MAST2: variants seen among roughly 807,000 people sequenced by gnomAD.
The protein encoded by MAST2 is microtubule-associated serine/threonine-protein kinase 2.
A neutral mutation model predicts 147.4 loss-of-function variants in MAST2; 70 were observed. The observed-to-expected ratio is 0.47, with a 90% CI of 0.39 to 0.58. MAST2 has a LOEUF of 0.58. MAST2 is among the 20% of genes least tolerant of loss of function. The pLI, the probability that MAST2 is intolerant of heterozygous loss-of-function variation, is 0.00. For missense variants in MAST2, 2,080 were observed against 2,302.3 expected, an observed-to-expected ratio of 0.90 and a Z score of 1.98; for synonymous variants, 869 against 896.8, an observed-to-expected ratio of 0.97 and a Z score of 0.55.
chr1:46,016,787 C>A (rs1282817546), intron 10 of MAST2, among the ~76,000 whole-genome samples: 1 of 152,190 alleles, frequency 6.6e-6, no homozygotes, highest in African/African-American at 2.4e-5. Flanking sequence ...CCCCATCAAG[C>A]TACCAATGAC....
intron 16 of MAST2, among the ~76,000 whole-genome samples, chr1:46,026,802 G>A (rs1646432759): frequency 6.6e-6 from 1 of 152,160 alleles, no homozygotes; most frequent in African/African-American, 2.4e-5. Context: ...GTGGAAGAAA[G>A]TGGCTTTGAC....
intron 4 of MAST2, among the ~76,000 whole-genome samples, chr1:45,886,430 C>T (rs1418904812): frequency 6.6e-6 from 1 of 151,722 alleles, no homozygotes; most frequent in Non-Finnish European, 1.5e-5. Context: ...ATGCCTGCCA[C>T]GATAAGGGCT....
At chr1:45,884,739 G>A (rs982924198) in intron 4 of MAST2, among the ~76,000 whole-genome samples, 2 of 152,066 alleles carry the variant, frequency 1.3e-5, no homozygotes, top group Non-Finnish European at 2.9e-5. Flanking sequence ...TAGAGGAGTC[G>A]AAAAAGTTTT....
chr1:45,907,551 A>G (rs1239653775), intron 4 of MAST2, among the ~76,000 whole-genome samples: 1 of 150,536 alleles, frequency 6.6e-6, no homozygotes, highest in African/African-American at 2.5e-5. Flanking sequence ...TCTGCCTCCC[A>G]AATTCAAGCA....
At chr1:46,029,416 T>C in intron 18 of MAST2, 50 bp from the exon 19 acceptor site, 1 of 1,486,136 alleles carries the variant, frequency 6.7e-7, no homozygotes, top group Non-Finnish European at 9.3e-7. Context: ...TCTGCATCTC[T>C]CCACTCTACC....
intron 9 of MAST2, among the ~76,000 whole-genome samples, 161 bp downstream of exon 9, chr1:46,008,532 A>C (rs904447366): frequency 5.3e-5 from 8 of 152,258 alleles, no homozygotes; most frequent in Admixed American, 2.0e-4. Context: ...CACAGCAACA[A>C]GGGCTTCCAG....
intron 6 of MAST2, among the ~76,000 whole-genome samples, chr1:46,001,202 T>G (rs1222478712): frequency 2.6e-5 from 4 of 152,206 alleles, no homozygotes. Flanking sequence ...CAGGAATTGC[T>G]GAATAGTTCC....
chr1:45,859,060 T>C (rs977510442), intron 3 of MAST2, among the ~76,000 whole-genome samples: 6 of 152,186 alleles, frequency 3.9e-5, no homozygotes, highest in Non-Finnish European at 8.8e-5. Context: ...TCCAGCTTTG[T>C]TCTTTTGGCT....
chr1:46,012,331 C>A (rs928658639), intron 10 of MAST2, among the ~76,000 whole-genome samples: 3 of 152,142 alleles, frequency 2.0e-5, no homozygotes, highest in African/African-American at 7.2e-5. Flanking sequence ...CCCAGATTGA[C>A]TGCTTGTGTG....
At chr1:45,903,126 C>CTTTTTTTTTTTTTT (rs34621764) in intron 4 of MAST2, among the ~76,000 whole-genome samples, 4 of 79,324 alleles carry the variant, frequency 5.0e-5, no homozygotes, top group Non-Finnish European at 8.7e-5. Flanking sequence ...AAATTTTTGT[C>CTTTTTTTTTTTTTT]TTTTTTTTTT....
intron 17 of MAST2, 119 bp downstream of exon 17, chr1:46,027,982 A>T: frequency 8.3e-7 from 1 of 1,209,422 alleles, no homozygotes; most frequent in South Asian, 1.4e-5. Context: ...GCTTGAGGCC[A>T]GCCTGGGCAA....
intron 1 of MAST2, among the ~76,000 whole-genome samples, chr1:45,809,486 T>C (rs1644232208): frequency 1.3e-5 from 2 of 151,956 alleles, no homozygotes; most frequent in South Asian, 2.1e-4. Flanking sequence ...CTACAAAAAA[T>C]ACAAAAATTA....
intron 5 of MAST2, among the ~76,000 whole-genome samples, chr1:45,959,810 C>G (rs578105222): frequency 2.6e-5 from 4 of 152,128 alleles, no homozygotes; most frequent in Non-Finnish European, 5.9e-5. Context: ...GAGGAGTCCA[C>G]TAATATTTTG....
At chr1:45,813,304 T>TG (rs1361222684) in intron 1 of MAST2, among the ~76,000 whole-genome samples, 2 of 152,036 alleles carry the variant, frequency 1.3e-5, no homozygotes, top group African/African-American at 4.8e-5. Flanking sequence ...ACATACAAGA[T>TG]GGGGGTCCCA....
At chr1:45,905,226 G>A (rs1354602729) in intron 4 of MAST2, among the ~76,000 whole-genome samples, 1 of 149,108 alleles carries the variant, frequency 6.7e-6, no homozygotes, top group Non-Finnish European at 1.5e-5. Context: ...ACTCAGGCTG[G>A]AATGCAGTGG....
rs1438945354 is a variant in MAST2, at chr1:45,829,600, G to GGCAT, written c.468+20_468+23dup. The GGCAT allele has an allele frequency of 6.3e-7, 1 of 1,599,860 alleles. No homozygotes were observed. The highest frequency in any genetic ancestry group is 8.5e-7 in the Non-Finnish European group (1 of 1,171,964). ...TGGCCTGGTAAGTGTTCATAAAGGT[G>GGCAT]GCATTTTGCTCTATGAAAAATCCAT... On this transcript the variant is annotated intron_variant, in intron 3 of 28. Transcript: ENST00000361297.
chr1:45,940,950 C>A lies in MAST2; in HGVS notation c.501-18436C>A, dbSNP rs145274754. Among the ~76,000 whole-genome samples the A allele has an allele frequency of 3.3e-5, 5 of 152,272 alleles. No homozygotes were observed. The East Asian group carries it at 9.7e-4, about 29-fold the overall frequency. ...GATTTTATTAGAAAGAGAATTGTTG[C>A]ATATTGTTTTGAAAGAAAAGTCATT... On this transcript the variant is annotated intron_variant, in intron 4 of 28. Coordinates refer to ENST00000361297, the MANE Select transcript of MAST2 (RefSeq NM_015112.3).
rs1263813405 is a variant in MAST2, at chr1:45,910,382, TTAAA to T, written c.500+27991_500+27994del. 7.2e-5 allele frequency among the ~76,000 whole-genome samples: 11 copies of T among 152,186 alleles called. No homozygotes were observed. In the East Asian group the frequency reaches 2.2e-3, roughly 30 times the overall value. The stretch of plus-strand genomic sequence containing the variant: ...TTTCTTTTAAATATTCAAAATTAAT[TTAAA>T]TAAGCTGAATTAAAAATTTTTGTAA... On this transcript the variant is annotated intron_variant, in intron 4 of 28. Transcript: ENST00000361297.
chr1:45,895,626 G>A (rs1410050537), intron 4 of MAST2, among the ~76,000 whole-genome samples: 21 of 152,056 alleles, frequency 1.4e-4, no homozygotes, highest in Non-Finnish European at 3.1e-4. Context: ...GACATTTGGT[G>A]GAAGACTTCC....
Sources: allele counts gnomAD v4.1 joint callset (sites outside exome capture counted in the v4.1 genomes callset), GRCh38; gene constraint gnomAD v4.1.1; transcripts MANE v1.5; gene names NCBI Gene and HGNC (gene_info 2026-07-23, HGNC 2026-07-21).